The following MID2 variants were observed in gnomAD, a reference collection of about 807,000 sequenced individuals.
MID2 encodes midline 2.
A neutral mutation model predicts 46.1 loss-of-function variants in MID2; 13 were observed. The observed-to-expected ratio is 0.28, with a 90% CI of 0.18 to 0.45. The LOEUF (loss-of-function observed/expected upper bound fraction) is 0.45, where lower values mean the gene tolerates loss of function less well. MID2 is among the 20% of genes least tolerant of loss of function. The probability of loss-of-function intolerance (pLI) is 1.00; values close to 1 mark genes in which losing one functional copy is unlikely to be tolerated. For synonymous variants in MID2, 199 were observed against 212.3 expected (o/e 0.94, Z 0.55); for missense variants, 431 against 575.4 (o/e 0.75, Z 2.57).
chrX:107,829,446 A>G (rs2147819520), intron 1 of MID2, among the ~76,000 whole-genome samples: 1 of 112,677 alleles, frequency 8.9e-6, no homozygotes, highest in South Asian at 3.7e-4. Flanking sequence ...TAACAATCTG[A>G]GTCAGACTAA....
chrX:107,864,100 T>C (rs1931910267), intron 3 of MID2, among the ~76,000 whole-genome samples: 1 of 112,687 alleles, frequency 8.9e-6, no homozygotes, highest in South Asian at 3.7e-4. Flanking sequence ...TTCTTTCCAT[T>C]GCATTGTGCA....
intron 3 of MID2, among the ~76,000 whole-genome samples, chrX:107,875,251 G>A (rs1333486806): frequency 5.4e-5 from 6 of 111,830 alleles, no homozygotes; most frequent in Non-Finnish European, 9.4e-5. Flanking sequence ...TCAGGTACTT[G>A]AGATAGCAGG....
At chrX:107,896,414 G>A (rs1932735639) in intron 3 of MID2, 1 of 112,269 alleles carries the variant, frequency 8.9e-6, no homozygotes, top group African/African-American at 3.2e-5. Context: ...ATATGGGGGA[G>A]ACAGTAACTA....
chrX:107,881,437 C>T (rs1932314719), intron 3 of MID2, among the ~76,000 whole-genome samples: 1 of 112,350 alleles, frequency 8.9e-6, no homozygotes, highest in African/African-American at 3.2e-5. Context: ...CACTTTCTGC[C>T]ATCCCTGCAT....
In MID2 at chrX:107,871,442, A is replaced by G. The variant is rs1272140172; in HGVS notation, c.816+16738A>G. 5.4e-5 allele frequency among the ~76,000 whole-genome samples: 6 copies of G among 111,536 alleles called. No individual in the cohort carries two copies. In the East Asian group the frequency reaches 1.7e-3, roughly 31 times the overall value. ...CAGCAGCATCTAGGGGGGTGTCCAT[A>G]TCTCCTGAAGCTCCAGAAAGAGTGT... is the stretch of plus-strand genomic sequence containing the variant. On this transcript the variant is annotated intron_variant, in intron 3 of 9. Coordinates refer to ENST00000262843, the MANE Select transcript of MID2 (RefSeq NM_012216.4).
intron 3 of MID2, among the ~76,000 whole-genome samples, chrX:107,858,123 A>C (rs73527047): frequency 0.018 from 2,040 of 112,149 alleles, 46 homozygotes; most frequent in African/African-American, 0.063. Flanking sequence ...AGATCACTAC[A>C]GATTTGTTAG....
At chrX:107,841,422 T>G in intron 2 of MID2, 37 bp downstream of exon 2, 1 of 1,030,149 alleles carries the variant, frequency 9.7e-7, no homozygotes, top group Non-Finnish European at 1.3e-6. Context: ...TACAACTTTG[T>G]CGCATAAATG....
intron 3 of MID2, among the ~76,000 whole-genome samples, chrX:107,875,190 A>G (rs750563792): frequency 1.8e-5 from 2 of 111,593 alleles, no homozygotes; most frequent in Non-Finnish European, 3.8e-5. Flanking sequence ...GTGTAATGGT[A>G]TGCAGAAGAA....
At chrX:107,909,641 A>G (rs1008307251) in intron 5 of MID2, among the ~76,000 whole-genome samples, 3 of 111,645 alleles carry the variant, frequency 2.7e-5, no homozygotes, top group African/African-American at 9.8e-5. Flanking sequence ...TTTCAAACAA[A>G]CGCTCCTGTA....
chrX:107,908,553 T>C (rs146301130), intron 5 of MID2, among the ~76,000 whole-genome samples: 2,231 of 110,961 alleles, frequency 0.02, 66 homozygotes, highest in African/African-American at 0.069. Flanking sequence ...TCTAGTTTGA[T>C]TTGGGTCTTT....
At chrX:107,917,473 T>G (rs2147871681) in intron 6 of MID2, 33 bp from the exon 7 acceptor site, 1 of 1,060,688 alleles carries the variant, frequency 9.4e-7, no homozygotes, top group South Asian at 1.9e-5. Flanking sequence ...GAAAGTATGC[T>G]TTCCTTACTT....
chrX:107,921,735 C>A (rs1437995607), intron 7 of MID2, among the ~76,000 whole-genome samples: 1 of 111,320 alleles, frequency 9.0e-6, no homozygotes, highest in Non-Finnish European at 1.9e-5. Context: ...TTATTTACAG[C>A]CCTTACTTGT....
chrX:107,871,072 A>C (rs1932053852), intron 3 of MID2, among the ~76,000 whole-genome samples: 1 of 110,173 alleles, frequency 9.1e-6, no homozygotes, highest in African/African-American at 3.3e-5. Context: ...ATTTTTATAT[A>C]TTTTCCTGAG....
rs1387828421 is a variant in MID2, at chrX:107,825,937, G to A, written c.-490G>A. Reference sequence around the variant, plus strand: ...GCTGGGGGAGCTGGGAGTGGCGGGGGCGGCGGAAGGTGAGCCTGGGAAGGT... The same window carrying A: ...GCTGGGGGAGCTGGGAGTGGCGGGGACGGCGGAAGGTGAGCCTGGGAAGGT... On this transcript the variant is annotated 5_prime_UTR_variant, in exon 1 of 10. Transcript: ENST00000262843. 5 of 264,429 alleles carry A rather than the reference G, an allele frequency of 1.9e-5. No individual in the cohort carries two copies. Among genetic ancestry groups the A allele is most frequent in the Non-Finnish European group, 3.3e-5 (5 of 149,976 alleles). The allele number at this position is 264,429 out of a possible 1,213,427, so 21.8% of individuals were successfully genotyped here.
At chrX:107,881,851 A>C (rs1932327723) in intron 3 of MID2, among the ~76,000 whole-genome samples, 1 of 112,610 alleles carries the variant, frequency 8.9e-6, no homozygotes, top group Non-Finnish European at 1.9e-5. Flanking sequence ...ATATTAAGGA[A>C]TTATTTTATT....
rs1228632069 is a variant in MID2, at chrX:107,869,589, C to T, written c.816+14885C>T. On this transcript the variant is annotated intron_variant, in intron 3 of 9. Coordinates refer to ENST00000262843, the MANE Select transcript of MID2 (RefSeq NM_012216.4). ...TGATATGTCTTCCTATCCAGAATCA[C>T]GGTATATCTTTGCATTTTTTCAGGT... Among the ~76,000 whole-genome samples, 10 of 111,227 alleles carry T rather than the reference C, an allele frequency of 9.0e-5. No individual in the cohort carries two copies. The East Asian group carries it at 1.1e-3, about 12-fold the overall frequency.
intron 3 of MID2, among the ~76,000 whole-genome samples, chrX:107,877,153 A>G (rs1174313795): frequency 8.9e-6 from 1 of 112,200 alleles, no homozygotes; most frequent in African/African-American, 3.2e-5. Flanking sequence ...AAAGGTCTGG[A>G]TTACTTGCAA....
intron 2 of MID2, 120 bp from the exon 3 acceptor site, chrX:107,854,489 A>G: frequency 2.0e-6 from 1 of 511,950 alleles, no homozygotes. Context: ...TGCTAAATGA[A>G]TCTTTGAAAC....
At chrX:107,865,986 G>C (rs1198744155) in intron 3 of MID2, among the ~76,000 whole-genome samples, 1 of 112,730 alleles carries the variant, frequency 8.9e-6, no homozygotes, top group Non-Finnish European at 1.9e-5. Flanking sequence ...AGGAGGATTA[G>C]AGAAGAGGGT....
Sources: gnomAD v4.1 joint callset for allele counts (sites outside exome capture counted in the v4.1 genomes callset) on GRCh38, gnomAD v4.1.1 for gene constraint, MANE v1.5 for transcripts, NCBI Gene and HGNC (gene_info 2026-07-23, HGNC 2026-07-21) for gene names.